Variants in CRHR1 observed in about 807,000 individuals in gnomAD.
CRHR1 encodes corticotropin-releasing hormone receptor 1.
CRHR1 carries 28 observed loss-of-function variants against 56.0 expected under a neutral mutation model. The observed-to-expected ratio is 0.50, with a 90% CI of 0.37 to 0.69. CRHR1 has a LOEUF of 0.69. Ranked by LOEUF, CRHR1 falls within the 30% of genes least tolerant of loss-of-function variation. The pLI, the probability that CRHR1 is intolerant of heterozygous loss-of-function variation, is 0.00. For missense variants in CRHR1, 376 were observed against 548.0 expected, an observed-to-expected ratio of 0.69 and a Z score of 3.13; for synonymous variants, 195 against 216.5, an observed-to-expected ratio of 0.90 and a Z score of 0.87.
intron 2 of CRHR1, among the ~76,000 whole-genome samples, chr17:45,813,207 G>A (rs2061856899): frequency 6.6e-6 from 1 of 152,152 alleles, no homozygotes; most frequent in African/African-American, 2.4e-5. Flanking sequence ...GGCGCCTGAG[G>A]CCCTGTCCTG....
chr17:45,830,667 T>C (rs1358194951), intron 7 of CRHR1, 97 bp downstream of exon 7: 1 of 1,473,910 alleles, frequency 6.8e-7, no homozygotes, highest in African/African-American at 1.4e-5. Context: ...GCCTGAGGGA[T>C]GGAGGTCGGG....
chr17:45,793,779 TG>T (rs921992364), intron 1 of CRHR1, among the ~76,000 whole-genome samples: 9 of 152,150 alleles, frequency 5.9e-5, no homozygotes, highest in African/African-American at 2.2e-4. Context: ...GCAGGAGACC[TG>T]GGGTTGGAGC....
intron 2 of CRHR1, among the ~76,000 whole-genome samples, chr17:45,815,324 G>C (rs1222677033): frequency 6.6e-6 from 1 of 152,180 alleles, no homozygotes; most frequent in African/African-American, 2.4e-5. Context: ...GGGGGTGCCA[G>C]GACTGTGCCA....
chr17:45,829,051 C>T (rs750581108), intron 4 of CRHR1, 164 bp from the exon 5 acceptor site: 14 of 618,102 alleles, frequency 2.3e-5, no homozygotes, highest in African/African-American at 1.1e-4. Flanking sequence ...TCAAACTGGA[C>T]GGCGTTGCTC....
intron 2 of CRHR1, among the ~76,000 whole-genome samples, chr17:45,815,422 G>A (rs55668363): frequency 0.14 from 21,750 of 152,046 alleles, 2,111 homozygotes; most frequent in Middle Eastern, 0.22. Context: ...TCTCTCTCGC[G>A]TGCTCTCTCT....
chr17:45,787,432 AG>A (rs2061356388), intron 1 of CRHR1, among the ~76,000 whole-genome samples: 1 of 152,206 alleles, frequency 6.6e-6, no homozygotes, highest in East Asian at 1.9e-4. Flanking sequence ...CAGGAGAGTG[AG>A]CTCCCAGGAG....
intron 3 of CRHR1, among the ~76,000 whole-genome samples, chr17:45,820,103 A>G (rs1298937641): frequency 6.6e-6 from 1 of 152,012 alleles, no homozygotes; most frequent in East Asian, 1.9e-4. Flanking sequence ...AGACTCAAGG[A>G]CTGGGACTCC....
At chr17:45,808,260 T>G (rs2061756101) in intron 2 of CRHR1, among the ~76,000 whole-genome samples, 1 of 152,208 alleles carries the variant, frequency 6.6e-6, no homozygotes. Flanking sequence ...GCAGGAGGCC[T>G]TCATTTCTGA....
chr17:45,804,195 C>T (rs111588309), intron 1 of CRHR1, among the ~76,000 whole-genome samples: 2 of 152,164 alleles, frequency 1.3e-5, no homozygotes, highest in Admixed American at 1.3e-4. Context: ...GTCCCAGGCG[C>T]GAGTTGGCTA....
Position 45,833,697 on chromosome 17 carries a change from C to CCCCCCCCCCCCCCCCGGG in CRHR1, c.930-17_930-16insCCCCCCCCCCCCCCCGGG. ...GGTGGGCTGTGACTCCGAGCCTCCCCACCCGCCCCACCCCAGGAAGGCTGT... is the reference window on the plus strand; with the variant it reads ...GGTGGGCTGTGACTCCGAGCCTCCCCCCCCCCCCCCCCCCCGGGACCCGCCCCACCCCAGGAAGGCTGT... On this transcript the variant is annotated splice_polypyrimidine_tract_variant and intron_variant, in intron 10 of 12. Coordinates refer to ENST00000314537, the MANE Select transcript of CRHR1 (RefSeq NM_004382.5). 1.7e-6 allele frequency: 1 copy of CCCCCCCCCCCCCCCCGGG among 604,408 alleles called. No individual in the cohort carries two copies. The highest frequency in any genetic ancestry group is 3.0e-6 in the Non-Finnish European group (1 of 328,018). 37.4% of individuals were successfully genotyped at this position (604,408 alleles called of 1,614,324 possible). A position where few individuals can be genotyped will look rare whatever the true frequency, so the allele number is the denominator to read the frequency against.
chr17:45,821,586 C>T, intron 4 of CRHR1, 146 bp downstream of exon 4: 1 of 809,826 alleles, frequency 1.2e-6, no homozygotes, highest in Non-Finnish European at 2.0e-6. Context: ...CTGGAGCTGT[C>T]AACTTGGAAA....
chr17:45,801,465 C>T (rs1027008961), intron 1 of CRHR1, among the ~76,000 whole-genome samples: 4 of 152,160 alleles, frequency 2.6e-5, no homozygotes, highest in African/African-American at 7.2e-5. Context: ...TCCTTTTACG[C>T]GATGCTATAA....
chr17:45,815,744 G>A (rs1490566715), intron 2 of CRHR1, among the ~76,000 whole-genome samples: 1 of 152,194 alleles, frequency 6.6e-6, no homozygotes, highest in Admixed American at 6.5e-5. Context: ...CAGCAAATTA[G>A]TGGCACAGCC....
At position 45,830,102 on chromosome 17, in the gene CRHR1, G is replaced by A. The variant is rs377037950; in HGVS notation, c.443G>A (p.Arg148Gln). ...CCGCCCTGCTGCACCAGGAGCATCC[G>A]GTGCCTGCGAAACATCATCCACTGG... ...FVLFLRLRSI[R>Q]CLRNIIHWNL... is the part of the protein sequence containing the mutation. Residue 148 changes from arginine (R) to glutamine (Q), a missense_variant, in exon 6 of 13, where the codon CGG (arginine) becomes CAG (glutamine). Arg to Gln is a conservative substitution (Grantham distance 43). This residue lies in a region of CRHR1 where 369 missense variants were observed against 519.5 expected (regional missense o/e 0.71). Coordinates refer to ENST00000314537, the MANE Select transcript of CRHR1 (RefSeq NM_004382.5). 7.4e-6 allele frequency: 12 copies of A among 1,613,946 alleles called. No homozygotes were observed. Among genetic ancestry groups the A allele is most frequent in the Admixed American group, 1.7e-5 (1 of 60,004 alleles).
At chr17:45,809,578 G>A (rs1175742379) in intron 2 of CRHR1, among the ~76,000 whole-genome samples, 4 of 152,250 alleles carry the variant, frequency 2.6e-5, no homozygotes, top group Non-Finnish European at 5.9e-5. Flanking sequence ...TGCATGGCAC[G>A]CGATCCATCA....
At chr17:45,788,491 G>A (rs1395024347) in intron 1 of CRHR1, among the ~76,000 whole-genome samples, 1 of 152,228 alleles carries the variant, frequency 6.6e-6, no homozygotes, top group African/African-American at 2.4e-5. Flanking sequence ...CAAGCTGAGG[G>A]ACCTTGGAAC....
intron 1 of CRHR1, among the ~76,000 whole-genome samples, chr17:45,785,782 C>T (rs1009151871): frequency 6.6e-6 from 1 of 152,278 alleles, no homozygotes; most frequent in East Asian, 1.9e-4. Flanking sequence ...TTAGTTGAGA[C>T]GTTACAAGTT....
rs750366414 is a variant in CRHR1, at chr17:45,833,556, C to G, written c.929+19C>G. ...AGTACAGGTAACCGGGTACCACCTT[C>G]CTCAGGCCTCCCCCTGATGAAACCC... On this transcript the variant is annotated intron_variant, in intron 10 of 12. Transcript: ENST00000314537. 6.2e-7 allele frequency: 1 copy of G among 1,611,486 alleles called. No homozygotes were observed. The highest frequency in any genetic ancestry group is 8.5e-7 in the Non-Finnish European group (1 of 1,177,906).
rs540699258 is a variant in CRHR1 at position 45,835,681 on chromosome 17, G to C, written c.*917G>C. On this transcript the variant is annotated 3_prime_UTR_variant, in exon 13 of 13. Coordinates refer to ENST00000314537, the MANE Select transcript of CRHR1 (RefSeq NM_004382.5). ...GGGACAACGTGCTGCTTACACTCCA[G>C]GTGTGGACCGGCCGCAGCCCCCACT... The C allele has an allele frequency of 1.3e-5, 2 of 152,430 alleles. No homozygotes were observed. Among genetic ancestry groups the C allele is most frequent in the Non-Finnish European group, 2.9e-5 (2 of 68,112 alleles). 9.4% of individuals were successfully genotyped at this position (152,430 alleles called of 1,614,324 possible).
Sources: allele counts gnomAD v4.1 joint callset (sites outside exome capture counted in the v4.1 genomes callset), GRCh38; gene constraint gnomAD v4.1.1; regional missense constraint gnomAD v4.1.1; transcripts MANE v1.5; gene names NCBI Gene and HGNC (gene_info 2026-07-23, HGNC 2026-07-21).